RGPD4: variants seen among roughly 807,000 people sequenced by gnomAD.
The protein encoded by RGPD4 is ranBP2-like and GRIP domain-containing protein 4.
Under a neutral mutation model 141.1 loss-of-function variants are expected in RGPD4, and 84 were observed. That is an observed-to-expected ratio of 0.60 (90% CI 0.50 to 0.71). RGPD4 has a LOEUF of 0.71. Ranked by LOEUF, RGPD4 falls within the 30% of genes least tolerant of loss-of-function variation. RGPD4 has a pLI of 0.00. For missense variants in RGPD4, 918 were observed against 1,622.4 expected (o/e 0.57, Z 7.46); for synonymous variants, 298 against 566.8 (o/e 0.53, Z 6.74).
chr2:107,832,800 T>C (rs1254890543), intron 1 of RGPD4, among the ~76,000 whole-genome samples: 5 of 152,064 alleles, frequency 3.3e-5, no homozygotes, highest in African/African-American at 7.2e-5. Context: ...GTTAGGAGTC[T>C]GATGAGATTC....
intron 7 of RGPD4, among the ~76,000 whole-genome samples, chr2:107,849,362 C>CTTT (rs60901392): frequency 6.8e-5 from 5 of 73,412 alleles, no homozygotes; most frequent in East Asian, 3.7e-4. Flanking sequence ...CGCGCCTGGC[C>CTTT]TTTTTTTTTT....
rs1351563904 is a variant in RGPD4 at position 107,871,923 on chromosome 2, G to T, written c.3919G>T (p.Ala1307Ser). ...KSALSPSKSP[A>S]KLNQSGTSVG... is the part of the protein sequence containing the mutation. The stretch of plus-strand genomic sequence containing the variant: ...TGCTTTGAGTCCATCTAAGTCTCCT[G>T]CCAAGTTGAATCAGAGTGGGACTTC... Residue 1307 changes from alanine (A) to serine (S), a missense_variant, in exon 20 of 23, where the codon GCC becomes TCC. Ala to Ser is a moderately conservative substitution (Grantham distance 99, BLOSUM62 1). Transcript: ENST00000408999. 6.2e-7 allele frequency: 1 copy of T among 1,611,516 alleles called. No individual in the cohort carries two copies. Among genetic ancestry groups the T allele is most frequent in the Middle Eastern group, 2.3e-4 (1 of 4,430 alleles).
intron 9 of RGPD4, among the ~76,000 whole-genome samples, chr2:107,857,287 C>A (rs1266023979): frequency 6.6e-6 from 1 of 151,628 alleles, no homozygotes; most frequent in African/African-American, 2.4e-5. Context: ...CAAATGCCCA[C>A]CACCATGCCC....
intron 22 of RGPD4, among the ~76,000 whole-genome samples, chr2:107,883,898 A>G (rs1675437663): frequency 1.3e-5 from 2 of 152,140 alleles, no homozygotes; most frequent in Non-Finnish European, 2.9e-5. Flanking sequence ...ACTCATGGAC[A>G]ATCTTTTGGC....
chr2:107,836,545 A>C, intron 1 of RGPD4, 57 bp from the exon 2 acceptor site: 4 of 1,431,822 alleles, frequency 2.8e-6, no homozygotes, highest in South Asian at 2.5e-5. Context: ...CTACTTTTGA[A>C]AAAATGTTGG....
chr2:107,827,741 G>T lies in RGPD4; in HGVS notation c.72+656G>T, dbSNP rs954855429. On this transcript the variant is annotated intron_variant, in intron 1 of 22. Transcript: ENST00000408999. ...CGGCGGCGGCCTCGATGGCTCAGGC[G>T]TCATGGCTCCTGACGGGCGCTGCTC... Among the ~76,000 whole-genome samples, 2 of 44,822 alleles carry T rather than the reference G, an allele frequency of 4.5e-5. 1 individual carries two copies. Among genetic ancestry groups the T allele is most frequent in the Non-Finnish European group, 8.7e-5 (2 of 22,994 alleles). 29.4% of individuals were successfully genotyped at this position (44,822 alleles called of 152,430 possible). A position where few individuals can be genotyped will look rare whatever the true frequency, so the allele number is the denominator to read the frequency against.
intron 21 of RGPD4, 77 bp from the exon 22 acceptor site, chr2:107,882,595 A>G (rs2104517596): frequency 7.5e-7 from 1 of 1,342,014 alleles, no homozygotes; most frequent in East Asian, 2.3e-5. Flanking sequence ...GAAGAGAAGA[A>G]AAATACATGA....
chr2:107,844,823 C>CTTTTTTTTTTTTTTTTTTTT (rs1681859511), intron 6 of RGPD4, among the ~76,000 whole-genome samples: 2 of 53,850 alleles, frequency 3.7e-5, no homozygotes, highest in African/African-American at 6.9e-5. Context: ...TTCTTTCTTT[C>CTTTTTTTTTTTTTTTTTTTT]TTTTTTGTTT....
intron 22 of RGPD4, among the ~76,000 whole-genome samples, chr2:107,886,725 G>T (rs1003819782): frequency 2.0e-5 from 3 of 151,992 alleles, no homozygotes; most frequent in Non-Finnish European, 2.9e-5. Context: ...ATACATGAGG[G>T]ATGCTAGAAG....
intron 22 of RGPD4, among the ~76,000 whole-genome samples, chr2:107,885,307 C>T (rs1675481059): frequency 1.3e-5 from 2 of 152,004 alleles, no homozygotes; most frequent in Admixed American, 6.5e-5. Flanking sequence ...TAAAATTAAC[C>T]AGGACTTTAA....
chr2:107,860,862 A>C lies in RGPD4; in HGVS notation c.1855A>C (p.Lys619Gln). ...TTTGCCATTGTTGAAGATAATAAAA[A>C]AGAAGAACAGTATTCCTGAACCTAT... ...KVLPLLKIIK[K>Q]KNSIPEPIDP... is the part of the protein sequence containing the mutation. Residue 619 changes from lysine (K) to glutamine (Q), a missense_variant, in exon 13 of 23, where the codon AAG becomes CAG. Lys to Gln is a moderately conservative substitution (Grantham distance 53). Coordinates refer to ENST00000408999, the MANE Select transcript of RGPD4 (RefSeq NM_182588.3). The C allele has an allele frequency of 6.2e-7, 1 of 1,600,308 alleles. No homozygotes were observed. Among genetic ancestry groups the C allele is most frequent in the South Asian group, 1.1e-5 (1 of 90,152 alleles).
At chr2:107,834,030 A>G (rs1429361089) in intron 1 of RGPD4, among the ~76,000 whole-genome samples, 1 of 151,072 alleles carries the variant, frequency 6.6e-6, no homozygotes, top group Non-Finnish European at 1.5e-5. Flanking sequence ...GAAGGGGGGA[A>G]CAAGCCTTGT....
At chr2:107,886,361 A>G (rs1217477898) in intron 22 of RGPD4, among the ~76,000 whole-genome samples, 1 of 96,946 alleles carries the variant, frequency 1.0e-5, no homozygotes, top group Non-Finnish European at 2.1e-5. Flanking sequence ...TAAAAAAGAC[A>G]GACAGAAATC....
chr2:107,859,427 A>T lies in RGPD4; in HGVS notation c.1507A>T (p.Lys503Ter). ...TACCAGCCACTTACAATTAAAGGAGAAATGTAATTCTCACCACAGCTCCTA... is the reference window on the plus strand; with the variant it reads ...TACCAGCCACTTACAATTAAAGGAGTAATGTAATTCTCACCACAGCTCCTA... ...VYTSHLQLKE[K>*]CNSHHSSYQP... The change falls in exon 11 of 23, where the codon AAA (lysine) becomes TAA (stop). Residue 503 changes from lysine (K) to a stop codon, truncating the protein, a stop_gained. Transcript: ENST00000408999. LOFTEE classifies it high-confidence loss of function. The T allele has an allele frequency of 1.9e-6, 3 of 1,610,868 alleles. No individual in the cohort carries two copies. The highest frequency in any genetic ancestry group is 3.3e-5 in the Admixed American group (2 of 59,952).
At chr2:107,890,548 CAAAAAAAAAAAAAAAA>C (rs1210623696) in intron 22 of RGPD4, among the ~76,000 whole-genome samples, 157 bp from the exon 23 acceptor site, 1 of 16,280 alleles carries the variant, frequency 6.1e-5, no homozygotes, top group African/African-American at 2.7e-4. Context: ...GACCCTGTCT[CAAAAAAAAAAAAAAAA>C]AAAAAAAAAG....
intron 22 of RGPD4, chr2:107,883,229 C>T: frequency 2.3e-6 from 1 of 439,434 alleles, no homozygotes; most frequent in Non-Finnish European, 4.5e-6. Context: ...TTTTCTACTT[C>T]ACCCCTCTTC....
intron 1 of RGPD4, among the ~76,000 whole-genome samples, chr2:107,833,337 G>T (rs1036489293): frequency 9.8e-5 from 15 of 152,328 alleles, no homozygotes; most frequent in African/African-American, 3.1e-4. Flanking sequence ...TACTGTGCAA[G>T]ATAGTGATGA....
At position 107,845,475 on chromosome 2, in the gene RGPD4, G is replaced by A. The variant is rs566866325; in HGVS notation, c.782+1745G>A. On this transcript the variant is annotated intron_variant, in intron 6 of 22. Coordinates refer to ENST00000408999, the MANE Select transcript of RGPD4 (RefSeq NM_182588.3). ...GATGACCATGGGAATGGAGTCACTC[G>A]GGAGAATCTGGACCATGAGGGGTTA... Among the ~76,000 whole-genome samples, 334 of 150,370 alleles carry A rather than the reference G, an allele frequency of 2.2e-3. 5 individuals carry two copies. The highest frequency in any genetic ancestry group is 7.9e-3 in the African/African-American group (317 of 40,136).
In RGPD4 at chr2:107,856,617, GT is replaced by G; in HGVS notation, c.1067-141del. On this transcript the variant is annotated intron_variant, in intron 8 of 22. Coordinates refer to ENST00000408999, the MANE Select transcript of RGPD4 (RefSeq NM_182588.3). ...CATTTGCTACATAAGCACCCGTTTTGTTGTCCAGCTGTATTTTTTGGGTTGG... is the reference window on the plus strand; with the variant it reads ...CATTTGCTACATAAGCACCCGTTTTGTGTCCAGCTGTATTTTTTGGGTTGG... 6.6e-6 allele frequency: 3 copies of G among 453,238 alleles called. No homozygotes were observed. In the South Asian group the frequency reaches 8.2e-5, roughly 12 times the overall value. The allele number at this position is 453,238 out of a possible 1,614,324, so 28.1% of individuals were successfully genotyped here.
Sources: allele counts gnomAD v4.1 joint callset (sites outside exome capture counted in the v4.1 genomes callset), GRCh38; gene constraint gnomAD v4.1.1; transcripts MANE v1.5; gene names NCBI Gene and HGNC (gene_info 2026-07-23, HGNC 2026-07-21).